Variants in DOCK3 observed in about 807,000 individuals in gnomAD.
DOCK3 encodes the protein dedicator of cytokinesis 3.
A neutral mutation model predicts 265.6 loss-of-function variants in DOCK3; 60 were observed. The observed-to-expected ratio is 0.23, with a 90% CI of 0.18 to 0.28. The LOEUF (loss-of-function observed/expected upper bound fraction) is 0.28. Ranked by LOEUF, DOCK3 falls within the 10% of genes least tolerant of loss-of-function variation. The probability of loss-of-function intolerance (pLI) is 1.00; values close to 1 mark genes in which losing one functional copy is unlikely to be tolerated. For synonymous variants in DOCK3, 881 were observed against 938.0 expected, an observed-to-expected ratio of 0.94 and a Z score of 1.11; for missense variants, 1,981 against 2,594.3, an observed-to-expected ratio of 0.76 and a Z score of 5.14.
At chr3:50,685,731 C>G in intron 1 of DOCK3, 1 of 226,534 alleles carries the variant, frequency 4.4e-6, no homozygotes, top group Non-Finnish European at 1.0e-5. Flanking sequence ...TGGAAGTTTT[C>G]TGCTGTCTTT....
intron 6 of DOCK3, among the ~76,000 whole-genome samples, chr3:51,075,080 T>C (rs1560025611): frequency 6.6e-6 from 1 of 152,146 alleles, no homozygotes; most frequent in Non-Finnish European, 1.5e-5. Context: ...CTATCCTTAA[T>C]GAACTCAAGC....
intron 29 of DOCK3, 131 bp from the exon 30 acceptor site, chr3:51,312,345 T>C: frequency 1.1e-6 from 1 of 939,092 alleles, no homozygotes; most frequent in East Asian, 2.6e-5. Flanking sequence ...TGCAAAGATA[T>C]TTAAAAGGGA....
At chr3:51,182,804 A>G (rs1309044295) in intron 12 of DOCK3, among the ~76,000 whole-genome samples, 1 of 152,176 alleles carries the variant, frequency 6.6e-6, no homozygotes, top group African/African-American at 2.4e-5. Context: ...GGAGTTACTT[A>G]CTTGATTTTT....
intron 5 of DOCK3, among the ~76,000 whole-genome samples, chr3:50,973,049 C>CTGTTTTTTT (rs2077292247): frequency 5.3e-5 from 1 of 19,010 alleles, no homozygotes. Context: ...CAGTGTGTTT[C>CTGTTTTTTT]TTTTTTTTTT....
intron 27 of DOCK3, among the ~76,000 whole-genome samples, chr3:51,308,016 A>G (rs2082795040): frequency 6.6e-6 from 1 of 151,648 alleles, no homozygotes; most frequent in Admixed American, 6.6e-5. Flanking sequence ...CAAGCAGGTC[A>G]AATAATAACA....
chr3:51,042,314 C>G (rs1183057178), intron 5 of DOCK3, among the ~76,000 whole-genome samples: 1 of 152,136 alleles, frequency 6.6e-6, no homozygotes, highest in Non-Finnish European at 1.5e-5. Context: ...ATGACATGAA[C>G]AGAACTAAAG....
chr3:51,174,057 A>C (rs1346648954), intron 12 of DOCK3, among the ~76,000 whole-genome samples: 1 of 152,096 alleles, frequency 6.6e-6, no homozygotes, highest in Non-Finnish European at 1.5e-5. Flanking sequence ...ATTCTGCATG[A>C]TTGAGTCTGC....
intron 1 of DOCK3, among the ~76,000 whole-genome samples, chr3:50,771,744 G>A (rs1321460644): frequency 4.6e-5 from 7 of 152,068 alleles, no homozygotes; most frequent in East Asian, 1.9e-4. Context: ...CCAGCTACTC[G>A]GGAGGCTGAG....
intron 4 of DOCK3, among the ~76,000 whole-genome samples, chr3:50,897,033 T>C (rs2048927429): frequency 6.6e-6 from 1 of 152,154 alleles, no homozygotes; most frequent in South Asian, 2.1e-4. Context: ...AAGTTAGTGG[T>C]AGCTTGATGG....
chr3:51,177,387 T>C (rs1223438752), intron 12 of DOCK3, among the ~76,000 whole-genome samples: 1 of 152,232 alleles, frequency 6.6e-6, no homozygotes, highest in African/African-American at 2.4e-5. Context: ...TGTTAACCAA[T>C]AATATAGGCA....
chr3:51,328,246 G>A (rs2084280816), intron 32 of DOCK3, among the ~76,000 whole-genome samples: 1 of 152,206 alleles, frequency 6.6e-6, no homozygotes. Flanking sequence ...TGCTGCTCCA[G>A]GTCCCCTCCC....
At chr3:51,279,207 A>C (rs890315684) in intron 26 of DOCK3, among the ~76,000 whole-genome samples, 1 of 152,182 alleles carries the variant, frequency 6.6e-6, no homozygotes. Context: ...AGCCAAGATC[A>C]TGCCATTGCG....
intron 48 of DOCK3, among the ~76,000 whole-genome samples, chr3:51,362,317 G>T (rs558235925): frequency 6.6e-6 from 1 of 152,170 alleles, no homozygotes; most frequent in East Asian, 1.9e-4. Flanking sequence ...CATGGTCACC[G>T]TAGTATGGCC....
At chr3:50,869,342 A>ATTTT (rs755531254) in intron 3 of DOCK3, among the ~76,000 whole-genome samples, 2,689 of 70,106 alleles carry the variant, frequency 0.038, 1,342 homozygotes, top group South Asian at 0.051. Flanking sequence ...TCTGCTGGGA[A>ATTTT]TTTTTTTTTT....
chr3:51,278,018 A>G (rs2080907377), intron 26 of DOCK3: 1 of 985,204 alleles, frequency 1.0e-6, no homozygotes, highest in Non-Finnish European at 1.2e-6. Flanking sequence ...GAGCCAAGTC[A>G]TTTTCTATAT....
chr3:51,365,588 G>C (rs1276268501), intron 49 of DOCK3, among the ~76,000 whole-genome samples: 1 of 152,206 alleles, frequency 6.6e-6, no homozygotes, highest in Non-Finnish European at 1.5e-5. Context: ...AATGCTTCCA[G>C]TTTTTGTCCA....
rs375895436 is a variant in DOCK3, at chr3:50,690,625, GTTCATTCATTCA to G, written c.37+15344_37+15355del. Among the ~76,000 whole-genome samples, 572 of 151,600 alleles carry G rather than the reference GTTCATTCATTCA, an allele frequency of 3.8e-3. 1 individual carries two copies. The highest frequency in any genetic ancestry group is 0.022 in the South Asian group (105 of 4,792). ...TCTACATTCATTCATTCGTTCGTTC[GTTCATTCATTCA>G]TTCATTCATTCATTCATTATTTTGA... On this transcript the variant is annotated intron_variant, in intron 1 of 52. Coordinates refer to ENST00000266037, the MANE Select transcript of DOCK3 (RefSeq NM_004947.5).
chr3:50,867,034 A>T (rs951456963), intron 3 of DOCK3, among the ~76,000 whole-genome samples: 2 of 152,134 alleles, frequency 1.3e-5, no homozygotes, highest in Admixed American at 1.3e-4. Flanking sequence ...AAGTATAAAC[A>T]CTTTAACAGC....
intron 12 of DOCK3, among the ~76,000 whole-genome samples, chr3:51,193,095 A>G (rs1488821872): frequency 1.3e-5 from 2 of 152,102 alleles, no homozygotes; most frequent in Non-Finnish European, 2.9e-5. Context: ...TGCTCTTTCT[A>G]TGCCTAGTTT....
Sources: allele counts gnomAD v4.1 joint callset (sites outside exome capture counted in the v4.1 genomes callset), GRCh38; gene constraint gnomAD v4.1.1; transcripts MANE v1.5; gene names NCBI Gene and HGNC (gene_info 2026-07-23, HGNC 2026-07-21).